The following CBR3 variants were observed in gnomAD, a reference collection of about 807,000 sequenced individuals.
CBR3 encodes the protein carbonyl reductase 3, also known as carbonyl reductase [NADPH] 3.
In CBR3, 14 loss-of-function variants were observed where a neutral mutation model predicts 11.6. The ratio of observed to expected loss-of-function variants is 1.20; its 90% CI spans 0.79 to 1.88. The LOEUF (loss-of-function observed/expected upper bound fraction) is 1.88, where lower values mean the gene tolerates loss of function less well. Among genes scored for constraint, CBR3 ranks in the 40% most tolerant of loss-of-function variants. The pLI is 0.00. For missense variants in CBR3, 308 were observed against 357.3 expected, an observed-to-expected ratio of 0.86 and a Z score of 1.11; for synonymous variants, 125 against 145.6, an observed-to-expected ratio of 0.86 and a Z score of 1.02.
intron 2 of CBR3, among the ~76,000 whole-genome samples, chr21:36,143,823 T>A (rs1295175259): frequency 7.1e-6 from 1 of 141,592 alleles, no homozygotes; most frequent in Non-Finnish European, 1.5e-5. Context: ...GAGGCTACAG[T>A]GAGCCGAGAT....
At chr21:36,140,909 G>A (rs960926731) in intron 2 of CBR3, among the ~76,000 whole-genome samples, 1 of 150,792 alleles carries the variant, frequency 6.6e-6, no homozygotes, top group Non-Finnish European at 1.5e-5. Flanking sequence ...TCGGGAGGCT[G>A]AGGCAGGAGA....
rs200564523 is a variant in CBR3 at position 36,137,494 on chromosome 21, A to AAAAG, written c.290-322_290-319dup. 273 of 195,028 alleles carry AAAAG rather than the reference A, an allele frequency of 1.4e-3. 1 individual carries two copies. The highest frequency in any genetic ancestry group is 5.3e-3 in the African/African-American group (211 of 39,810). 12.1% of individuals were successfully genotyped at this position (195,028 alleles called of 1,614,324 possible). A position where few individuals can be genotyped will look rare whatever the true frequency, so the allele number is the denominator to read the frequency against. On this transcript the variant is annotated intron_variant, in intron 1 of 2. Transcript: ENST00000290354. ...AGAAAGAGAAAGAAAGAAAGAAAAGAAAAGAAAGAAAGGAAGGAAGGAAGG... is the reference window on the plus strand; with the variant it reads ...AGAAAGAGAAAGAAAGAAAGAAAAGAAAAGAAAGAAAGAAAGGAAGGAAGGAAGG...
chr21:36,137,728 T>A, intron 1 of CBR3, 97 bp from the exon 2 acceptor site: 1 of 714,678 alleles, frequency 1.4e-6, no homozygotes, highest in Admixed American at 2.3e-5. Context: ...AATTAACTTG[T>A]TTTTCCTTTA....
Position 36,137,876 on chromosome 21 carries a change from AT to A in CBR3, c.348del (p.Phe116LeufsTer13). On this transcript the variant is annotated frameshift_variant, in exon 2 of 3. Coordinates refer to ENST00000290354, the MANE Select transcript of CBR3 (RefSeq NM_001236.4). LOFTEE classifies it high-confidence loss of function. Reference protein sequence around the residue: ...DIKAEMTLKTNFFATRNMCNE... With the variant: ...DIKAEMTLKTXFFATRNMCNE... ...AAAGCTGAGATGACACTGAAGACAA[AT>A]TTTTTTGCCACTAGAAACATGTGCA... The A allele has an allele frequency of 1.2e-6, 2 of 1,612,246 alleles. No homozygotes were observed. The highest frequency in any genetic ancestry group is 1.7e-6 in the Non-Finnish European group (2 of 1,178,588).
intron 2 of CBR3, among the ~76,000 whole-genome samples, chr21:36,140,040 C>T (rs1435259674): frequency 6.6e-6 from 1 of 152,048 alleles, no homozygotes; most frequent in Non-Finnish European, 1.5e-5. Flanking sequence ...GCGAGCACCA[C>T]CACGCCCAGC....
chr21:36,143,731 T>G (rs1318933403), intron 2 of CBR3, among the ~76,000 whole-genome samples: 1 of 151,534 alleles, frequency 6.6e-6, no homozygotes, highest in East Asian at 1.9e-4. Context: ...AATACAAAAA[T>G]TATTTGAGTG....
At position 36,146,263 on chromosome 21, in the gene CBR3, G is replaced by A. The variant is rs2065754207; in HGVS notation, c.585G>A (p.Gly195=). The change falls in exon 3 of 3, where the codon GGG becomes GGA. Residue 195 remains glycine (G), a synonymous_variant. Coordinates refer to ENST00000290354, the MANE Select transcript of CBR3 (RefSeq NM_001236.4). ...EREGWPNSPY[G]VSKLGVTVLS... Reference sequence around the variant, plus strand: ...AAGGCTGGCCCAACTCACCTTATGGGGTGTCCAAGTTGGGGGTCACGGTCT... The same window carrying A: ...AAGGCTGGCCCAACTCACCTTATGGAGTGTCCAAGTTGGGGGTCACGGTCT... The A allele has an allele frequency of 1.2e-6, 2 of 1,614,144 alleles. No homozygotes were observed. Among genetic ancestry groups the A allele is most frequent in the Non-Finnish European group, 1.7e-6 (2 of 1,180,028 alleles).
At position 36,136,232 on chromosome 21, in the gene CBR3, C is replaced by A. The variant is rs529011500; in HGVS notation, c.289+751C>A. On this transcript the variant is annotated intron_variant, in intron 1 of 2. Transcript: ENST00000290354. ...CTTTGGGAGGCCGAGGCAGGAGAAA[C>A]GCTTGAACCTGGGAGGCAGTGAGCC... Among the ~76,000 whole-genome samples, 203 of 150,458 alleles carry A rather than the reference C, an allele frequency of 1.3e-3. 2 individuals carry two copies. The highest frequency in any genetic ancestry group is 6.8e-3 in the Middle Eastern group (2 of 294).
At chr21:36,141,146 C>T (rs2065705542) in intron 2 of CBR3, among the ~76,000 whole-genome samples, 1 of 151,506 alleles carries the variant, frequency 6.6e-6, no homozygotes, top group African/African-American at 2.4e-5. Context: ...TGGCATGTTC[C>T]AGCTTCTCGA....
chr21:36,135,465 G>A lies in CBR3; in HGVS notation c.273G>A (p.Ala91=). The A allele has an allele frequency of 6.2e-7, 1 of 1,611,836 alleles. No individual in the cohort carries two copies. Among genetic ancestry groups the A allele is most frequent in the Non-Finnish European group, 8.5e-7 (1 of 1,178,624 alleles). The part of the protein sequence containing the change: ...YGGLNVLVNN[A]AVAFKSDDPM... ...GGCTCAACGTACTGGTCAACAACGC[G>A]GCCGTCGCCTTCAAGAGTAGGTGCA... Residue 91 remains alanine (A), a synonymous_variant, in exon 1 of 3, where the codon GCG becomes GCA. Coordinates refer to ENST00000290354, the MANE Select transcript of CBR3 (RefSeq NM_001236.4).
intron 1 of CBR3, chr21:36,137,508 AAGGAAGGAAGGAAGGAAGG>A (rs2065669606): frequency 1.2e-3 from 19 of 16,234 alleles, no homozygotes; most frequent in African/African-American, 4.2e-3. Context: ...GAAAGAAAGG[AAGGAAGGAAGGAAGGAAGG>A]AAGGAAGGAA....
intron 2 of CBR3, 145 bp from the exon 3 acceptor site, chr21:36,145,931 A>G: frequency 1.6e-6 from 1 of 635,626 alleles, no homozygotes. Context: ...AGTGCACTCT[A>G]GCCTGGGCAA....
At chr21:36,144,040 C>CTAGGACAT (rs1440865384) in intron 2 of CBR3, among the ~76,000 whole-genome samples, 1 of 152,098 alleles carries the variant, frequency 6.6e-6, no homozygotes, top group African/African-American at 2.4e-5. Context: ...GCCCACTGTC[C>CTAGGACAT]TAGGACATTG....
intron 2 of CBR3, among the ~76,000 whole-genome samples, chr21:36,142,439 A>ATAAATAAATGAATAAACAAAC (rs2065719505): frequency 6.8e-6 from 1 of 147,646 alleles, no homozygotes; most frequent in African/African-American, 2.6e-5. Context: ...CTCAAAAAAA[A>ATAAATAAATGAATAAACAAAC]AAAAAAAAAC....
chr21:36,137,503 AAAGG>A (rs58466732), intron 1 of CBR3: 8,122 of 188,852 alleles, frequency 0.043, 230 homozygotes, highest in Admixed American at 0.075. Flanking sequence ...GAAAAGAAAG[AAAGG>A]AAGGAAGGAA....
chr21:36,145,332 T>A (rs1411632225), intron 2 of CBR3, among the ~76,000 whole-genome samples: 1 of 152,180 alleles, frequency 6.6e-6, no homozygotes, highest in Non-Finnish European at 1.5e-5. Context: ...TTTTTAAATT[T>A]GATTATTACT....
At chr21:36,144,348 C>T (rs1188851661) in intron 2 of CBR3, among the ~76,000 whole-genome samples, 1 of 152,098 alleles carries the variant, frequency 6.6e-6, no homozygotes, top group Non-Finnish European at 1.5e-5. Flanking sequence ...ATCCCAGCTA[C>T]TTGGGAGGCT....
At chr21:36,139,036 T>G (rs548488680) in intron 2 of CBR3, among the ~76,000 whole-genome samples, 3 of 152,058 alleles carry the variant, frequency 2.0e-5, no homozygotes, top group African/African-American at 7.2e-5. Context: ...TGAGCCACCA[T>G]GCCCGAACGA....
At chr21:36,138,103 T>TTTTAGTTTAGTTTAGTTTAG (rs373138227) in intron 2 of CBR3, among the ~76,000 whole-genome samples, 171 bp downstream of exon 2, 35 of 150,116 alleles carry the variant, frequency 2.3e-4, no homozygotes, top group African/African-American at 8.4e-4. Flanking sequence ...CACTCCAACA[T>TTTTAGTTTAGTTTAGTTTAG]TTTAGTTTAG....
Sources: gnomAD v4.1 joint callset for allele counts (sites outside exome capture counted in the v4.1 genomes callset) on GRCh38, gnomAD v4.1.1 for gene constraint, MANE v1.5 for transcripts, NCBI Gene and HGNC (gene_info 2026-07-23, HGNC 2026-07-21) for gene names.